The following JPH3 variants were observed in gnomAD, a reference collection of about 807,000 sequenced individuals.
JPH3 encodes the protein junctophilin-3.
In JPH3, 11 loss-of-function variants were observed where a neutral mutation model predicts 59.6. That is an observed-to-expected ratio of 0.18 (90% CI 0.12 to 0.31). The LOEUF is 0.31. Ranked by LOEUF, JPH3 falls within the 10% of genes least tolerant of loss-of-function variation. JPH3 has a pLI of 1.00. For missense variants in JPH3, 1,202 were observed against 1,105.7 expected (o/e 1.09, Z -1.24); for synonymous variants, 673 against 483.6 (o/e 1.39, Z -5.14).
chr16:87,634,558 G>C (rs936281532), intron 1 of JPH3, among the ~76,000 whole-genome samples: 5 of 152,200 alleles, frequency 3.3e-5, no homozygotes, highest in South Asian at 2.1e-4. Flanking sequence ...TGCAGGCTTC[G>C]TCTCCTCCCA....
intron 3 of JPH3, among the ~76,000 whole-genome samples, chr16:87,689,127 G>C (rs1204273697): frequency 6.6e-6 from 1 of 152,264 alleles, no homozygotes; most frequent in East Asian, 1.9e-4. Context: ...GAGGGAAGTC[G>C]GCTCCTGGGC....
chr16:87,624,002 A>C (rs2031281914), intron 1 of JPH3, among the ~76,000 whole-genome samples: 1 of 152,104 alleles, frequency 6.6e-6, no homozygotes, highest in African/African-American at 2.4e-5. Context: ...GTCAGCTGGG[A>C]GGGGACAGGG....
At position 87,675,194 on chromosome 16, in the gene JPH3, C is replaced by T. The variant is rs142244116; in HGVS notation, c.1161-8948C>T. Among the ~76,000 whole-genome samples the T allele has an allele frequency of 9.2e-3, 1,377 of 148,936 alleles. 11 individuals carry two copies. The highest frequency in any genetic ancestry group is 0.016 in the Non-Finnish European group (1,051 of 67,054). On this transcript the variant is annotated intron_variant, in intron 2 of 4. Coordinates refer to ENST00000284262, the MANE Select transcript of JPH3 (RefSeq NM_020655.4). ...AAGCTTTCACCCCCCGCCCCTCCCC[C>T]GCCGTTTCCCCGACTCGCTGACCCC...
At chr16:87,605,092 G>T in intron 1 of JPH3, 1 of 364,650 alleles carries the variant, frequency 2.7e-6, no homozygotes, top group Non-Finnish European at 5.7e-6. Context: ...GGAGCCCAGG[G>T]GCTGCTATCA....
intron 1 of JPH3, among the ~76,000 whole-genome samples, chr16:87,606,478 T>G (rs1031158347): frequency 1.3e-5 from 2 of 152,152 alleles, no homozygotes; most frequent in African/African-American, 4.8e-5. Context: ...GTCTGCATGG[T>G]GAGGCCTGGG....
At position 87,690,456 on chromosome 16, in the gene JPH3, C is replaced by T; in HGVS notation, c.2096C>T (p.Pro699Leu). The T allele has an allele frequency of 2.0e-6, 3 of 1,486,422 alleles. No homozygotes were observed. The highest frequency in any genetic ancestry group is 1.8e-4 in the Middle Eastern group (1 of 5,582). 92.1% of individuals were successfully genotyped at this position (1,486,422 alleles called of 1,614,324 possible). A position where few individuals can be genotyped will look rare whatever the true frequency, so the allele number is the denominator to read the frequency against. ...CTGCGTTGGGACTTGACCTTCTCCC[C>T]GCCCCAGAAATCCTTGCCTGTCGCT... is the stretch of plus-strand genomic sequence containing the variant. The part of the protein sequence containing the change: ...RLLRWDLTFS[P>L]PQKSLPVALE... The change falls in exon 4 of 5, where the codon CCG becomes CTG. Residue 699 changes from proline (P) to leucine (L), a missense_variant. Pro to Leu is a moderately conservative substitution (Grantham distance 98). Transcript: ENST00000284262.
At position 87,688,567 on chromosome 16, in the gene JPH3, G is replaced by A. The variant is rs531419478; in HGVS notation, c.1286-1079G>A. ...TCCGAGCGTGAGAGACTCTAAGATG[G>A]GCAGTGGCTCTTGGTGTCCGAGCTG... On this transcript the variant is annotated intron_variant, in intron 3 of 4. Coordinates refer to ENST00000284262, the MANE Select transcript of JPH3 (RefSeq NM_020655.4). 1.9e-4 allele frequency among the ~76,000 whole-genome samples: 29 copies of A among 152,240 alleles called. No individual in the cohort carries two copies. In the South Asian group the frequency reaches 5.6e-3, roughly 29 times the overall value.
Position 87,612,131 on chromosome 16 carries a change from A to G in JPH3, c.382+8603A>G, listed in dbSNP as rs77018850. ...TGGGCATTGGGATTCTTTTTATTTT[A>G]ATTTTTTTCAGACGGGGGCTGGCTC... On this transcript the variant is annotated intron_variant, in intron 1 of 4. Transcript: ENST00000284262. 2.4e-3 allele frequency among the ~76,000 whole-genome samples: 364 copies of G among 152,158 alleles called. 1 individual carries two copies. Among genetic ancestry groups the G allele is most frequent in the African/African-American group, 7.8e-3 (322 of 41,512 alleles).
At position 87,696,625 on chromosome 16, in the gene JPH3, G is replaced by A. The variant is rs1416751549; in HGVS notation, c.2212G>A (p.Gly738Arg). 6.2e-7 allele frequency: 1 copy of A among 1,613,470 alleles called. No individual in the cohort carries two copies. Among genetic ancestry groups the A allele is most frequent in the Non-Finnish European group, 8.5e-7 (1 of 1,179,906 alleles). The change falls in exon 5 of 5, where the codon GGA becomes AGA. Residue 738 changes from glycine to arginine, a missense_variant. Physicochemically the swap from Gly to Arg is moderately radical, Grantham distance 125. Transcript: ENST00000284262. ...GGTCATGGTGATCTTGCTCAACATC[G>A]GAGTCGCCATTCTGTTTATTAACTT... ...LVVMVILLNI[G>R]VAILFINFFI is the part of the protein sequence containing the mutation.
chr16:87,690,512 C>T lies in JPH3; in HGVS notation c.2152C>T (p.Leu718Phe). The change falls in exon 4 of 5, where the codon CTC (leucine) becomes TTC (phenylalanine). Residue 718 changes from leucine to phenylalanine, a missense_variant. Transcript: ENST00000284262. ...LESDEENGDE[L>F]KSSTGSAPIL... is the part of the protein sequence containing the mutation. ...GTCCGACGAGGAGAATGGGGATGAG[C>T]TCAAGTCCAGTACGGTGAGTGGGCG... 2.7e-6 allele frequency: 4 copies of T among 1,479,954 alleles called. No homozygotes were observed. The highest frequency in any genetic ancestry group is 3.6e-6 in the Non-Finnish European group (4 of 1,115,978). The allele number at this position is 1,479,954 out of a possible 1,614,324, so 91.7% of individuals were successfully genotyped here. A position where few individuals can be genotyped will look rare whatever the true frequency, so the allele number is the denominator to read the frequency against.
At chr16:87,674,949 TG>T (rs1166601510) in intron 2 of JPH3, among the ~76,000 whole-genome samples, 5 of 151,740 alleles carry the variant, frequency 3.3e-5, no homozygotes, top group Admixed American at 6.6e-5. Context: ...TTAGTAGAGA[TG>T]GGGGTTTCAC....
intron 2 of JPH3, among the ~76,000 whole-genome samples, chr16:87,660,635 C>G (rs1028577055): frequency 6.6e-6 from 1 of 152,184 alleles, no homozygotes; most frequent in Admixed American, 6.5e-5. Flanking sequence ...AGCCACAGCT[C>G]GGGGCAAAGC....
intron 2 of JPH3, among the ~76,000 whole-genome samples, chr16:87,649,410 C>G (rs555797190): frequency 2.6e-5 from 4 of 152,378 alleles, no homozygotes; most frequent in South Asian, 2.1e-4. Context: ...GAATGCCTCG[C>G]TGTCCCCGGG....
chr16:87,691,221 C>T (rs1266063701), intron 4 of JPH3, among the ~76,000 whole-genome samples: 2 of 148,986 alleles, frequency 1.3e-5, no homozygotes, highest in Non-Finnish European at 3.0e-5. Flanking sequence ...TGGTGCCTCA[C>T]ACAGGGCTGG....
intron 2 of JPH3, among the ~76,000 whole-genome samples, chr16:87,659,687 A>G (rs1181089140): frequency 6.6e-6 from 1 of 151,500 alleles, no homozygotes; most frequent in Admixed American, 6.6e-5. Context: ...AAGCCGAGAT[A>G]GCACCACTGC....
chr16:87,616,452 G>A (rs1405661221), intron 1 of JPH3, among the ~76,000 whole-genome samples: 7 of 149,812 alleles, frequency 4.7e-5, no homozygotes, highest in Non-Finnish European at 8.9e-5. Flanking sequence ...GGGTTTCACC[G>A]TGTTAGCCAG....
At chr16:87,693,279 A>C (rs545612981) in intron 4 of JPH3, among the ~76,000 whole-genome samples, 4 of 152,254 alleles carry the variant, frequency 2.6e-5, no homozygotes, top group African/African-American at 9.6e-5. Flanking sequence ...GCAGCACCTC[A>C]CCCTCTGAGG....
chr16:87,684,339 GAT>G (rs995307744), intron 3 of JPH3, 73 bp downstream of exon 3: 9 of 1,573,226 alleles, frequency 5.7e-6, no homozygotes, highest in Non-Finnish European at 7.8e-6. Flanking sequence ...CCTGGCAGCA[GAT>G]GTGTCCTCCA....
intron 3 of JPH3, among the ~76,000 whole-genome samples, chr16:87,688,907 C>T (rs748736092): frequency 1.3e-5 from 2 of 152,194 alleles, no homozygotes; most frequent in Non-Finnish European, 2.9e-5. Flanking sequence ...CTGCTGGGGG[C>T]TCACGGAGCT....
Sources: allele counts gnomAD v4.1 joint callset (sites outside exome capture counted in the v4.1 genomes callset), GRCh38; gene constraint gnomAD v4.1.1; transcripts MANE v1.5; gene names NCBI Gene and HGNC (gene_info 2026-07-23, HGNC 2026-07-21).